The following RUNX2 variants were observed in gnomAD, a reference collection of about 807,000 sequenced individuals.
RUNX2 encodes runt-related transcription factor 2.
RUNX2 carries 10 observed loss-of-function variants against 51.7 expected under a neutral mutation model. The ratio of observed to expected loss-of-function variants is 0.19; its 90% CI spans 0.12 to 0.33. The LOEUF (loss-of-function observed/expected upper bound fraction) is 0.33, where lower values mean the gene tolerates loss of function less well. Ranked by LOEUF, RUNX2 falls within the 10% of genes least tolerant of loss-of-function variation. RUNX2 has a pLI of 1.00. For synonymous variants in RUNX2, 276 were observed against 273.6 expected, an observed-to-expected ratio of 1.01 and a Z score of -0.09; for missense variants, 562 against 691.3, an observed-to-expected ratio of 0.81 and a Z score of 2.10.
At chr6:45,358,093 G>C (rs896109486) in intron 2 of RUNX2, among the ~76,000 whole-genome samples, 10 of 151,902 alleles carry the variant, frequency 6.6e-5, no homozygotes, top group Non-Finnish European at 1.5e-4. Context: ...AAAAAAGAGA[G>C]ACAGGAAAAA....
chr6:45,460,168 A>C (rs2150385960), intron 5 of RUNX2, among the ~76,000 whole-genome samples: 1 of 152,328 alleles, frequency 6.6e-6, no homozygotes, highest in South Asian at 2.1e-4. Context: ...TAGATAGAGA[A>C]GAGGGCCAAG....
chr6:45,541,148 A>G (rs1312261279), intron 7 of RUNX2, among the ~76,000 whole-genome samples: 1 of 151,724 alleles, frequency 6.6e-6, no homozygotes, highest in Non-Finnish European at 1.5e-5. Flanking sequence ...TCATTTATCC[A>G]TCCAACCATG....
rs2150407689 is a variant in RUNX2 at position 45,492,050 on chromosome 6, C to T, written c.795C>T (p.Asn265=). Residue 265 remains asparagine, a synonymous_variant, in exon 6 of 9, where the codon AAC becomes AAT. Transcript: ENST00000647337. ...PSMRVGVPPQ[N]PRPSLNSAPS... ...TGAGAGTAGGTGTCCCGCCTCAGAA[C>T]CCACGGCCCTCCCTGAACTCTGCAC... is the stretch of plus-strand genomic sequence containing the variant. 3 of 1,613,954 alleles carry T rather than the reference C, an allele frequency of 1.9e-6. No homozygotes were observed. The highest frequency in any genetic ancestry group is 4.5e-5 in the East Asian group (2 of 44,858).
chr6:45,485,691 G>GTATATATA (rs1368496560), intron 5 of RUNX2, among the ~76,000 whole-genome samples: 43 of 82,238 alleles, frequency 5.2e-4, no homozygotes, highest in African/African-American at 1.6e-3. Context: ...GTGTGTGTGT[G>GTATATATA]TGTGTGTATA....
intron 2 of RUNX2, among the ~76,000 whole-genome samples, chr6:45,346,074 T>C (rs953156438): frequency 2.6e-5 from 4 of 152,170 alleles, no homozygotes; most frequent in African/African-American, 9.7e-5. Flanking sequence ...TCACTGGCTT[T>C]CATCCTCCAA....
chr6:45,480,793 T>A (rs558267532), intron 5 of RUNX2, among the ~76,000 whole-genome samples: 1 of 152,352 alleles, frequency 6.6e-6, no homozygotes, highest in East Asian at 1.9e-4. Flanking sequence ...GAAAACCACC[T>A]CTTCTTGCCA....
intron 5 of RUNX2, among the ~76,000 whole-genome samples, chr6:45,462,768 C>T (rs1799512194): frequency 6.6e-6 from 1 of 152,184 alleles, no homozygotes; most frequent in Non-Finnish European, 1.5e-5. Flanking sequence ...GTAAACAGTT[C>T]CCTTTCAGAG....
chr6:45,549,045 G>C lies in RUNX2; in HGVS notation c.*1740G>C. ...GGAGGGCCAAGGAGGGCAAGGGGCT[G>C]TGGAGTTTGGTGTCTACTAGTGTGT... On this transcript the variant is annotated 3_prime_UTR_variant, in exon 9 of 9. Transcript: ENST00000647337. 2.5e-6 allele frequency: 1 copy of C among 398,174 alleles called. No individual in the cohort carries two copies. Among genetic ancestry groups the C allele is most frequent in the Non-Finnish European group, 4.4e-6 (1 of 226,062 alleles). 24.7% of individuals were successfully genotyped at this position (398,174 alleles called of 1,614,324 possible).
chr6:45,438,413 C>G (rs1485207293), intron 5 of RUNX2, among the ~76,000 whole-genome samples: 4 of 152,180 alleles, frequency 2.6e-5, no homozygotes, highest in Admixed American at 2.6e-4. Context: ...AAATCTTGAG[C>G]TTAGTCAAAA....
intron 4 of RUNX2, among the ~76,000 whole-genome samples, chr6:45,437,529 T>C (rs1461114000): frequency 6.6e-6 from 1 of 152,110 alleles, no homozygotes; most frequent in African/African-American, 2.4e-5. Flanking sequence ...TAATCAACAA[T>C]GATTTACTAT....
At chr6:45,431,679 A>T (rs529779487) in intron 3 of RUNX2, among the ~76,000 whole-genome samples, 184 bp from the exon 4 acceptor site, 1 of 152,348 alleles carries the variant, frequency 6.6e-6, no homozygotes, top group East Asian at 1.9e-4. Flanking sequence ...GTGGACCCTG[A>T]AACATTGGTC....
intron 3 of RUNX2, among the ~76,000 whole-genome samples, chr6:45,424,618 G>A (rs1233220682): frequency 6.6e-6 from 1 of 152,118 alleles, no homozygotes; most frequent in African/African-American, 2.4e-5. Context: ...ACGGGCCACT[G>A]ACAGTTCCCA....
At chr6:45,489,120 T>G (rs886728308) in intron 5 of RUNX2, among the ~76,000 whole-genome samples, 34 of 152,210 alleles carry the variant, frequency 2.2e-4, no homozygotes, top group African/African-American at 8.0e-4. Context: ...CATTTTGTTG[T>G]GGTTGCAGTG....
chr6:45,331,301 A>G (rs1787461780), intron 2 of RUNX2, among the ~76,000 whole-genome samples: 1 of 152,068 alleles, frequency 6.6e-6, no homozygotes, highest in Admixed American at 6.6e-5. Flanking sequence ...GTATCTTAAA[A>G]TTAATGACTC....
chr6:45,436,568 T>TC (rs1282830958), intron 4 of RUNX2, among the ~76,000 whole-genome samples: 2 of 152,182 alleles, frequency 1.3e-5, no homozygotes, highest in African/African-American at 4.8e-5. Flanking sequence ...CCTGTTTTTT[T>TC]CCCCTTGGCT....
At chr6:45,363,450 T>C (rs1406086131) in intron 2 of RUNX2, among the ~76,000 whole-genome samples, 1 of 152,152 alleles carries the variant, frequency 6.6e-6, no homozygotes, top group Non-Finnish European at 1.5e-5. Context: ...CAATTATTGT[T>C]AAAGCCAGAT....
chr6:45,405,843 T>A (rs1386322288), intron 2 of RUNX2, among the ~76,000 whole-genome samples: 1 of 152,160 alleles, frequency 6.6e-6, no homozygotes, highest in Non-Finnish European at 1.5e-5. Context: ...TGGCAAGTGC[T>A]ATAGATCGGT....
intron 7 of RUNX2, among the ~76,000 whole-genome samples, chr6:45,524,412 G>A (rs1801605756): frequency 6.6e-6 from 1 of 152,112 alleles, no homozygotes; most frequent in Admixed American, 6.5e-5. Context: ...GCGAAGCATG[G>A]GAGACTAGGA....
chr6:45,542,890 T>G (rs768154910), intron 7 of RUNX2, among the ~76,000 whole-genome samples: 1 of 152,196 alleles, frequency 6.6e-6, no homozygotes, highest in Non-Finnish European at 1.5e-5. Flanking sequence ...GCTTCTTTTC[T>G]CTAGATACCA....
Sources: allele counts gnomAD v4.1 joint callset (sites outside exome capture counted in the v4.1 genomes callset), GRCh38; gene constraint gnomAD v4.1.1; transcripts MANE v1.5; gene names NCBI Gene and HGNC (gene_info 2026-07-23, HGNC 2026-07-21).